GOLGA6L9: variants seen among roughly 807,000 people sequenced by gnomAD.
The protein encoded by GOLGA6L9 is golgin A6 family like 9.
GOLGA6L9 carries 19 observed loss-of-function variants against 51.3 expected under a neutral mutation model. The ratio of observed to expected loss-of-function variants is 0.37; its 90% CI spans 0.26 to 0.54. The LOEUF (loss-of-function observed/expected upper bound fraction) is 0.54. GOLGA6L9 is among the 20% of genes least tolerant of loss of function. The pLI is 0.83. For missense variants in GOLGA6L9, 247 were observed against 464.1 expected (o/e 0.53, Z 4.30); for synonymous variants, 97 against 184.2 (o/e 0.53, Z 3.83).
At chr15:82,420,107 A>G in the GOLGA6L9 span, 20 of 328,692 alleles carry the variant, frequency 6.1e-5, 1 homozygote, top group East Asian at 1.1e-3. Flanking sequence ...CATAAACCAT[A>G]AGATATATTT....
rs1433686338 is a variant in GOLGA6L9 at position 82,438,366 on chromosome 15, C to G, written c.*1955C>G. On this transcript the variant is annotated 3_prime_UTR_variant, in exon 9 of 9. Transcript: ENST00000618348. ...AAATGTACTATATTAACTCAAATAC[C>G]ACTCTCTGTGTAGGTATTTTGTCAT... The G allele has an allele frequency of 1.2e-4, 18 of 150,230 alleles. No homozygotes were observed. The highest frequency in any genetic ancestry group is 1.5e-4 in the Non-Finnish European group (10 of 67,284). The allele number at this position is 150,230 out of a possible 1,614,324, so 9.3% of individuals were successfully genotyped here. A position where few individuals can be genotyped will look rare whatever the true frequency, so the allele number is the denominator to read the frequency against.
At chr15:82,419,557 G>A in the GOLGA6L9 span, among the ~76,000 whole-genome samples, 1 of 152,034 alleles carries the variant, frequency 6.6e-6, no homozygotes, top group Admixed American at 6.6e-5. Flanking sequence ...GGCTGAGGCA[G>A]GAGAATTGTG....
At chr15:82,424,235 C>G in the GOLGA6L9 span, among the ~76,000 whole-genome samples, 1 of 151,326 alleles carries the variant, frequency 6.6e-6, no homozygotes, top group Non-Finnish European at 1.5e-5. Flanking sequence ...CCACACCCAG[C>G]TATTTTTTGT....
Position 82,433,353 on chromosome 15 carries a change from C to T in GOLGA6L9, c.346-209C>T, listed in dbSNP as rs1393580880. ...GGCCCCTAGAATGGAAAGCTCAGGG[C>T]GAAGGGCTCCTGTCTGTCCTTTGCT... On this transcript the variant is annotated intron_variant, in intron 4 of 8. Transcript: ENST00000618348. Among the ~76,000 whole-genome samples the T allele has an allele frequency of 2.7e-4, 41 of 151,990 alleles. 1 individual carries two copies. The highest frequency in any genetic ancestry group is 1.0e-3 in the Admixed American group (16 of 15,284).
upstream of GOLGA6L9, among the ~76,000 whole-genome samples, chr15:82,429,199 C>A (rs1251075523): frequency 2.6e-5 from 4 of 151,554 alleles, no homozygotes; most frequent in Admixed American, 2.0e-4. Flanking sequence ...CTCAGCCTCC[C>A]AAATAGCTGG....
In GOLGA6L9 at chr15:82,436,656, A is replaced by T. The variant is rs2031700961; in HGVS notation, c.*245A>T. The stretch of plus-strand genomic sequence containing the variant: ...TGTTTCTAATTTATAATTTAAATTT[A>T]TTTGTAAAAAGTTAAATGAGAGTGG... On this transcript the variant is annotated 3_prime_UTR_variant, in exon 9 of 9. Coordinates refer to ENST00000618348, the MANE Select transcript of GOLGA6L9 (RefSeq NM_198181.4). 2 of 326,350 alleles carry T rather than the reference A, an allele frequency of 6.1e-6. No homozygotes were observed. Among genetic ancestry groups the T allele is most frequent in the Admixed American group, 4.9e-5 (1 of 20,286 alleles). The allele number at this position is 326,350 out of a possible 1,614,324, so 20.2% of individuals were successfully genotyped here. A position where few individuals can be genotyped will look rare whatever the true frequency, so the allele number is the denominator to read the frequency against.
Position 82,432,591 on chromosome 15 carries a change from G to C in GOLGA6L9, c.224G>C (p.Gly75Ala). The C allele has an allele frequency of 1.2e-6, 2 of 1,603,960 alleles. No individual in the cohort carries two copies. The highest frequency in any genetic ancestry group is 2.2e-5 in the South Asian group (2 of 90,816). ...TTGGAGTCAGCAACAGGTATCTACG[G>C]GGAGGGCCGTGCATCCTCTACTACC... ...SPGDSATGIY[G>A]EGRASSTTLQ... Residue 75 changes from glycine to alanine, a missense_variant, in exon 3 of 9, where the codon GGG (glycine) becomes GCG (alanine). By Grantham distance (60) the Gly-to-Ala change is moderately conservative. Coordinates refer to ENST00000618348, the MANE Select transcript of GOLGA6L9 (RefSeq NM_198181.4).
At position 82,434,561 on chromosome 15, in the gene GOLGA6L9, T is replaced by G; in HGVS notation, c.961T>G (p.Tyr321Asp). The change falls in exon 6 of 9, where the codon TAC (tyrosine) becomes GAC (aspartate). Residue 321 changes from tyrosine to aspartate, a missense_variant. This residue lies in a region of GOLGA6L9 where 35 missense variants were observed against 86.2 expected (regional missense o/e 0.41). Coordinates refer to ENST00000618348, the MANE Select transcript of GOLGA6L9 (RefSeq NM_198181.4). The part of the protein sequence containing the change: ...RMLELGWEAL[Y>D]EQRAEPRSGF... The stretch of plus-strand genomic sequence containing the variant: ...GCTGGAGCTGGGGTGGGAAGCCCTG[T>G]ACGAGCAGCGGGCCGAGCCACGCAG... The G allele has an allele frequency of 6.5e-7, 1 of 1,539,410 alleles. No individual in the cohort carries two copies. The highest frequency in any genetic ancestry group is 8.7e-7 in the Non-Finnish European group (1 of 1,149,484).
At position 82,436,571 on chromosome 15, in the gene GOLGA6L9, T is replaced by G. The variant is rs2031690661; in HGVS notation, c.*160T>G. ...TTCTAATTTATAGTTTAAATTTATTTGTTTCTAATTTATAGTTTAAATTTA... is the reference window on the plus strand; with the variant it reads ...TTCTAATTTATAGTTTAAATTTATTGGTTTCTAATTTATAGTTTAAATTTA... On this transcript the variant is annotated 3_prime_UTR_variant, in exon 9 of 9. Coordinates refer to ENST00000618348, the MANE Select transcript of GOLGA6L9 (RefSeq NM_198181.4). 1 of 729,804 alleles carries G rather than the reference T, an allele frequency of 1.4e-6. No individual in the cohort carries two copies. Among genetic ancestry groups the G allele is most frequent in the Non-Finnish European group, 2.1e-6 (1 of 479,664 alleles). 45.2% of individuals were successfully genotyped at this position (729,804 alleles called of 1,614,324 possible).
Position 82,437,991 on chromosome 15 carries a change from T to G in GOLGA6L9, c.*1580T>G, listed in dbSNP as rs1210125381. 1 of 151,120 alleles carries G rather than the reference T, an allele frequency of 6.6e-6. No homozygotes were observed. Among genetic ancestry groups the G allele is most frequent in the East Asian group, 1.9e-4 (1 of 5,204 alleles). 9.4% of individuals were successfully genotyped at this position (151,120 alleles called of 1,614,324 possible). The stretch of plus-strand genomic sequence containing the variant: ...ATGGACTAAAGGTCCTGTTCTTGCC[T>G]TGTCTGAACTTGCCGCTTTTGCATT... On this transcript the variant is annotated 3_prime_UTR_variant, in exon 9 of 9. Transcript: ENST00000618348.
At position 82,430,114 on chromosome 15, in the gene GOLGA6L9, C is replaced by T. The variant is rs1316652578; in HGVS notation, c.35C>T (p.Ala12Val). 35 of 860,090 alleles carry T rather than the reference C, an allele frequency of 4.1e-5. No individual in the cohort carries two copies. Among genetic ancestry groups the T allele is most frequent in the Middle Eastern group, 6.6e-4 (2 of 3,020 alleles). 53.3% of individuals were successfully genotyped at this position (860,090 alleles called of 1,614,324 possible). ...CAACCCCGCCTCCCTCCCCACCCCG[C>T]GATGTCAGAAAAAACACAACAGGGG... ...WPQPRLPPHP[A>V]MSEKTQQGKL... is the part of the protein sequence containing the mutation. The change falls in exon 1 of 9, where the codon GCG becomes GTG. Residue 12 changes from alanine to valine, a missense_variant. By Grantham distance (64) the Ala-to-Val change is moderately conservative. Transcript: ENST00000618348.
In GOLGA6L9 at chr15:82,438,208, C is replaced by T. The variant is rs1200377613; in HGVS notation, c.*1797C>T. 8 of 148,182 alleles carry T rather than the reference C, an allele frequency of 5.4e-5. No individual in the cohort carries two copies. The highest frequency in any genetic ancestry group is 6.7e-5 in the Admixed American group (1 of 14,886). The allele number at this position is 148,182 out of a possible 1,614,324, so 9.2% of individuals were successfully genotyped here. A position where few individuals can be genotyped will look rare whatever the true frequency, so the allele number is the denominator to read the frequency against. Reference sequence around the variant, plus strand: ...AAATCGCTTCACTTTTACCCTGACACGTATAAATGACTAGGAATGACCTTC... The same window carrying T: ...AAATCGCTTCACTTTTACCCTGACATGTATAAATGACTAGGAATGACCTTC... On this transcript the variant is annotated 3_prime_UTR_variant, in exon 9 of 9. Coordinates refer to ENST00000618348, the MANE Select transcript of GOLGA6L9 (RefSeq NM_198181.4).
Position 82,438,184 on chromosome 15 carries a change from A to G in GOLGA6L9, c.*1773A>G, listed in dbSNP as rs2031779446. On this transcript the variant is annotated 3_prime_UTR_variant, in exon 9 of 9. Coordinates refer to ENST00000618348, the MANE Select transcript of GOLGA6L9 (RefSeq NM_198181.4). ...ATTTCAAAGGTATTTTTATAGTTCA[A>G]ATCGCTTCACTTTTACCCTGACACG... 2 of 148,252 alleles carry G rather than the reference A, an allele frequency of 1.3e-5. No individual in the cohort carries two copies. The highest frequency in any genetic ancestry group is 5.0e-5 in the African/African-American group (2 of 39,944). 9.2% of individuals were successfully genotyped at this position (148,252 alleles called of 1,614,324 possible).
At chr15:82,416,401 C>T in the GOLGA6L9 span, among the ~76,000 whole-genome samples, 2 of 151,778 alleles carry the variant, frequency 1.3e-5, no homozygotes, top group African/African-American at 4.8e-5. Context: ...AGGGGAGTAA[C>T]AGTAAAGAAA....
In GOLGA6L9 at chr15:82,434,026, T is replaced by C. The variant is rs2031538694; in HGVS notation, c.434-8T>C. On this transcript the variant is annotated splice_polypyrimidine_tract_variant and splice_region_variant and intron_variant, in intron 5 of 8. Transcript: ENST00000618348. ...CCAGAGGCCCTTATTCTCTGCTTGC[T>C]TTCTCAGCTGAACCCCTGGCCCCAC... is the stretch of plus-strand genomic sequence containing the variant. 6.5e-7 allele frequency: 1 copy of C among 1,535,706 alleles called. No individual in the cohort carries two copies. Among genetic ancestry groups the C allele is most frequent in the Non-Finnish European group, 8.7e-7 (1 of 1,153,718 alleles).
rs1470777225 is a variant in GOLGA6L9, at chr15:82,436,460, A to G, written c.*49A>G. On this transcript the variant is annotated 3_prime_UTR_variant, in exon 9 of 9. Coordinates refer to ENST00000618348, the MANE Select transcript of GOLGA6L9 (RefSeq NM_198181.4). ...AAAAAACAAAACATTTAAGGGGTTA[A>G]TATCCTACACAATTCATTTACTTCA... The G allele has an allele frequency of 2.2e-5, 34 of 1,533,416 alleles. No individual in the cohort carries two copies. The highest frequency in any genetic ancestry group is 1.4e-4 in the South Asian group (12 of 86,370). The allele number at this position is 1,533,416 out of a possible 1,614,324, so 95.0% of individuals were successfully genotyped here.
At chr15:82,432,544 T>A in intron 2 of GOLGA6L9, 28 bp from the exon 3 acceptor site, 3 of 1,599,624 alleles carry the variant, frequency 1.9e-6, no homozygotes, top group African/African-American at 1.3e-5. Context: ...GGACAGAACA[T>A]CTCCATGTGC....
intron 5 of GOLGA6L9, 101 bp downstream of exon 5, chr15:82,433,750 AG>A: frequency 1.7e-6 from 1 of 589,356 alleles, no homozygotes; most frequent in Non-Finnish European, 2.8e-6. Flanking sequence ...AAGGGCTTTG[AG>A]GCAGAGGGAA....
In GOLGA6L9 at chr15:82,437,882, A is replaced by G. The variant is rs1426413424; in HGVS notation, c.*1471A>G. 9 of 151,322 alleles carry G rather than the reference A, an allele frequency of 5.9e-5. No individual in the cohort carries two copies. Among genetic ancestry groups the G allele is most frequent in the African/African-American group, 2.2e-4 (9 of 41,032 alleles). The allele number at this position is 151,322 out of a possible 1,614,324, so 9.4% of individuals were successfully genotyped here. On this transcript the variant is annotated 3_prime_UTR_variant, in exon 9 of 9. Coordinates refer to ENST00000618348, the MANE Select transcript of GOLGA6L9 (RefSeq NM_198181.4). The stretch of plus-strand genomic sequence containing the variant: ...AATCACAGAGTTATATTTCCTCACA[A>G]AGTTCTTTACAAAGAGTGAAATATG...
Sources: gnomAD v4.1 joint callset for allele counts (sites outside exome capture counted in the v4.1 genomes callset) on GRCh38, gnomAD v4.1.1 for gene constraint, gnomAD v4.1.1 regional missense constraint, MANE v1.5 for transcripts, NCBI Gene and HGNC (gene_info 2026-07-23, HGNC 2026-07-21) for gene names.